Variants in PARVA observed in about 807,000 individuals in gnomAD.
PARVA encodes alpha-parvin.
PARVA carries 25 observed loss-of-function variants against 52.6 expected under a neutral mutation model. That is an observed-to-expected ratio of 0.48 (90% confidence interval 0.35 to 0.66). PARVA has a LOEUF of 0.66. Ranked by LOEUF, PARVA falls within the 30% of genes least tolerant of loss-of-function variation. PARVA has a pLI of 0.01. For synonymous variants in PARVA, 185 were observed against 179.1 expected, an observed-to-expected ratio of 1.03 and a Z score of -0.26; for missense variants, 373 against 450.9, an observed-to-expected ratio of 0.83 and a Z score of 1.56.
At chr11:12,479,027 G>A (rs1019625833) in intron 4 of PARVA, 7 of 152,216 alleles carry the variant, frequency 4.6e-5, no homozygotes, top group South Asian at 2.1e-4. Context: ...GTAGTAATAC[G>A]TGTAAAGTGC....
intron 1 of PARVA, among the ~76,000 whole-genome samples, chr11:12,394,661 G>A (rs1939708009): frequency 6.6e-6 from 1 of 152,030 alleles, no homozygotes; most frequent in African/African-American, 2.4e-5. Flanking sequence ...GTCTACTCTG[G>A]GTATATCTGA....
chr11:12,388,352 C>T (rs1014690269), intron 1 of PARVA, among the ~76,000 whole-genome samples: 7 of 152,232 alleles, frequency 4.6e-5, no homozygotes, highest in Non-Finnish European at 8.8e-5. Flanking sequence ...GGCCAGCCTG[C>T]CAAAGCCTTA....
At chr11:12,477,721 A>G (rs1195323211) in intron 3 of PARVA, 126 bp from the exon 4 acceptor site, 1 of 629,048 alleles carries the variant, frequency 1.6e-6, no homozygotes, top group African/African-American at 1.8e-5. Context: ...CATCTCAAAT[A>G]AAATGAAACT....
chr11:12,507,596 C>G (rs546432622), intron 6 of PARVA, among the ~76,000 whole-genome samples: 1 of 152,308 alleles, frequency 6.6e-6, no homozygotes, highest in African/African-American at 2.4e-5. Context: ...AACCCCTTCT[C>G]AGTGTCCAGC....
At chr11:12,408,998 A>C (rs1564840354) in intron 1 of PARVA, among the ~76,000 whole-genome samples, 1 of 152,336 alleles carries the variant, frequency 6.6e-6, no homozygotes, top group East Asian at 1.9e-4. Context: ...CCATGGCTGA[A>C]GCACGGAGGA....
At chr11:12,389,834 C>T (rs1196508011) in intron 1 of PARVA, among the ~76,000 whole-genome samples, 1 of 152,210 alleles carries the variant, frequency 6.6e-6, no homozygotes, top group Non-Finnish European at 1.5e-5. Flanking sequence ...ACACCTGACA[C>T]CTCAGGGAGT....
chr11:12,495,985 T>A (rs1941293726), intron 4 of PARVA, among the ~76,000 whole-genome samples: 1 of 152,208 alleles, frequency 6.6e-6, no homozygotes, highest in Admixed American at 6.5e-5. Flanking sequence ...TATGACACAT[T>A]AAGTAAGTTA....
At chr11:12,513,441 A>T (rs1941528542) in intron 9 of PARVA, 81 bp downstream of exon 9, 1 of 1,279,956 alleles carries the variant, frequency 7.8e-7, no homozygotes. Context: ...GCAGCTTGCG[A>T]GCTTCCTGCC....
At chr11:12,386,391 A>G (rs987371680) in intron 1 of PARVA, among the ~76,000 whole-genome samples, 8 of 152,182 alleles carry the variant, frequency 5.3e-5, no homozygotes, top group African/African-American at 1.9e-4. Flanking sequence ...CTATACAACC[A>G]ACTTCTGTTC....
chr11:12,443,298 AG>A (rs961881467), intron 1 of PARVA, among the ~76,000 whole-genome samples: 3 of 148,406 alleles, frequency 2.0e-5, no homozygotes, highest in African/African-American at 7.5e-5. Flanking sequence ...CAGCCTCCTG[AG>A]TAGCTGGGAC....
In PARVA at chr11:12,484,508, TGTGTGTGTG is replaced by T. The variant is rs1299334165; in HGVS notation, c.400+6560_400+6568del. On this transcript the variant is annotated intron_variant, in intron 4 of 12. Coordinates refer to ENST00000334956, the MANE Select transcript of PARVA (RefSeq NM_018222.5). Reference sequence around the variant, plus strand: ...GCAGGAGGGTGGTTTTGTTTTGGTGTGTGTGTGTGTGTGTGTGTGTGTGTGTGTGTGTGT... The same window carrying T: ...GCAGGAGGGTGGTTTTGTTTTGGTGTTGTGTGTGTGTGTGTGTGTGTGTGT... 0.013 allele frequency among the ~76,000 whole-genome samples: 97 copies of T among 7,500 alleles called. 3 individuals carry two copies. The East Asian group carries it at 0.48, about 37-fold the overall frequency. 4.9% of individuals were successfully genotyped at this position (7,500 alleles called of 152,430 possible).
At chr11:12,484,777 A>G (rs1395020592) in intron 4 of PARVA, among the ~76,000 whole-genome samples, 5 of 145,064 alleles carry the variant, frequency 3.4e-5, no homozygotes, top group Admixed American at 6.8e-5. Context: ...TTCAGGAAAG[A>G]GGGGGTATTT....
chr11:12,477,108 T>G (rs1212177503), intron 3 of PARVA: 1 of 152,332 alleles, frequency 6.6e-6, no homozygotes, highest in African/African-American at 2.4e-5. Context: ...ACTTTTTTTT[T>G]TTTTTTAGAT....
At chr11:12,517,376 G>A (rs955267975) in intron 10 of PARVA, among the ~76,000 whole-genome samples, 4 of 135,892 alleles carry the variant, frequency 2.9e-5, no homozygotes, top group Admixed American at 9.1e-5. Context: ...CACAGCCTCT[G>A]TTCAGTAAAT....
chr11:12,470,064 C>T (rs75980958), intron 1 of PARVA, among the ~76,000 whole-genome samples: 14,114 of 152,294 alleles, frequency 0.093, 778 homozygotes, highest in East Asian at 0.19. Context: ...GGAAATGCTG[C>T]CCCAGAAATG....
In PARVA at chr11:12,410,181, G is replaced by A. The variant is rs78048494; in HGVS notation, c.136+32398G>A. Among the ~76,000 whole-genome samples the A allele has an allele frequency of 9.5e-3, 1,442 of 152,304 alleles. 19 individuals are homozygous for A. Among genetic ancestry groups the A allele is most frequent in the East Asian group, 0.057 (294 of 5,182 alleles). On this transcript the variant is annotated intron_variant, in intron 1 of 12. Coordinates refer to ENST00000334956, the MANE Select transcript of PARVA (RefSeq NM_018222.5). ...TAGGCTCTCAGCCCTAGGCATCTCC[G>A]GGCTGGGCCACCCAGGCCCCCGGGA...
intron 1 of PARVA, among the ~76,000 whole-genome samples, chr11:12,466,414 C>G (rs1015700523): frequency 8.6e-5 from 13 of 150,990 alleles, no homozygotes; most frequent in African/African-American, 3.2e-4. Flanking sequence ...TCAAGCAATT[C>G]TTCTGTCTCA....
At chr11:12,484,504 GGTGTGTGTGTGTGT>G (rs35501237) in intron 4 of PARVA, among the ~76,000 whole-genome samples, 19,429 of 144,638 alleles carry the variant, frequency 0.13, 1,423 homozygotes, top group Non-Finnish European at 0.17. Flanking sequence ...GTTTTGTTTT[GGTGTGTGTGTGTGT>G]GTGTGTGTGT....
At chr11:12,455,271 T>C (rs1318421545) in intron 1 of PARVA, among the ~76,000 whole-genome samples, 1 of 152,226 alleles carries the variant, frequency 6.6e-6, no homozygotes. Context: ...CAAGTGGTAA[T>C]ACTCTCATTC....
Sources: allele counts gnomAD v4.1 joint callset (sites outside exome capture counted in the v4.1 genomes callset), GRCh38; gene constraint gnomAD v4.1.1; transcripts MANE v1.5; gene names NCBI Gene and HGNC (gene_info 2026-07-23, HGNC 2026-07-21).